OPCML: variants seen among roughly 807,000 people sequenced by gnomAD.
OPCML encodes opioid binding protein/cell adhesion molecule like.
OPCML carries 13 observed loss-of-function variants against 37.8 expected under a neutral mutation model. That is an observed-to-expected ratio of 0.34 (90% CI 0.22 to 0.55). The LOEUF is 0.55. Ranked by LOEUF, OPCML falls within the 20% of genes least tolerant of loss-of-function variation. The pLI, the probability that OPCML is intolerant of heterozygous loss-of-function variation, is 0.91. For synonymous variants in OPCML, 176 were observed against 168.8 expected (o/e 1.04, Z -0.33); for missense variants, 341 against 435.6 (o/e 0.78, Z 1.93).
chr11:133,414,378 A>G (rs1945715872), intron 1 of OPCML, among the ~76,000 whole-genome samples: 1 of 152,080 alleles, frequency 6.6e-6, no homozygotes, highest in Non-Finnish European at 1.5e-5. Flanking sequence ...CTATTCTGAG[A>G]TTTGCAGAAG....
chr11:133,025,482 A>G, intron 1 of OPCML: 1 of 985,402 alleles, frequency 1.0e-6, no homozygotes, highest in Non-Finnish European at 1.2e-6. Context: ...CTATTTGGTA[A>G]TCTAGTCAGT....
chr11:133,120,769 T>C (rs1168558463), intron 1 of OPCML, among the ~76,000 whole-genome samples: 1 of 152,180 alleles, frequency 6.6e-6, no homozygotes, highest in African/African-American at 2.4e-5. Flanking sequence ...GCCAGTCTAC[T>C]ATGATCACAT....
intron 2 of OPCML, among the ~76,000 whole-genome samples, chr11:132,762,555 C>T (rs970537343): frequency 6.6e-6 from 1 of 152,216 alleles, no homozygotes; most frequent in African/African-American, 2.4e-5. Flanking sequence ...AGCGACTTTG[C>T]CACATTGCAG....
chr11:133,229,237 G>A (rs758062436), intron 1 of OPCML, among the ~76,000 whole-genome samples: 4 of 152,174 alleles, frequency 2.6e-5, no homozygotes, highest in Non-Finnish European at 4.4e-5. Flanking sequence ...TGATTGGAGG[G>A]CAGCTCTGAA....
chr11:132,800,261 T>A (rs77600532), intron 2 of OPCML, among the ~76,000 whole-genome samples: 6,707 of 152,320 alleles, frequency 0.044, 168 homozygotes, highest in Middle Eastern at 0.078. Context: ...TATTGACTTA[T>A]CCTGCAACCT....
rs2096014431 is a variant in OPCML, at chr11:132,436,770, T to C, written c.653A>G (p.Tyr218Cys). ...ACCAGTGTTCTTGGCTTTTGAGATA[T>C]AGGGAGGATCTGTGGGAAACACACA... Reference protein sequence around the residue: ...KVKITVNYPPYISKAKNTGVS... With the variant: ...KVKITVNYPPCISKAKNTGVS... Residue 218 changes from tyrosine to cysteine, a missense_variant, in exon 6 of 8, where the codon TAT becomes TGT. By Grantham distance (194) the Tyr-to-Cys change is radical. Transcript: ENST00000524381. 2.5e-6 allele frequency: 4 copies of C among 1,614,034 alleles called. No homozygotes were observed. Among genetic ancestry groups the C allele is most frequent in the Non-Finnish European group, 3.4e-6 (4 of 1,180,004 alleles).
chr11:133,183,313 T>C (rs1366171194), intron 1 of OPCML, among the ~76,000 whole-genome samples: 2 of 152,220 alleles, frequency 1.3e-5, no homozygotes, highest in African/African-American at 4.8e-5. Flanking sequence ...CATCTCAAGC[T>C]AGGTCTTAAA....
At chr11:133,480,926 T>C (rs934988943) in intron 1 of OPCML, among the ~76,000 whole-genome samples, 4 of 152,230 alleles carry the variant, frequency 2.6e-5, no homozygotes, top group Non-Finnish European at 5.9e-5. Context: ...CACTTCTGTG[T>C]CATGCTGGAA....
intron 2 of OPCML, among the ~76,000 whole-genome samples, chr11:132,799,205 C>G (rs1938502417): frequency 1.3e-5 from 2 of 152,172 alleles, no homozygotes; most frequent in African/African-American, 4.8e-5. Flanking sequence ...AAAGCTTTTT[C>G]ATCTACATTG....
chr11:133,275,176 G>T lies in OPCML; in HGVS notation c.61+257088C>A, dbSNP rs184785550. 1.5e-3 allele frequency among the ~76,000 whole-genome samples: 231 copies of T among 152,236 alleles called. 2 individuals carry two copies. Among genetic ancestry groups the T allele is most frequent in the African/African-American group, 5.3e-3 (220 of 41,524 alleles). Reference sequence around the variant, plus strand: ...GGATCAATTGTCCACAGCCTACCTGGGTTGAGCCAACTGGAAGATCCTTTT... The same window carrying T: ...GGATCAATTGTCCACAGCCTACCTGTGTTGAGCCAACTGGAAGATCCTTTT... On this transcript the variant is annotated intron_variant, in intron 1 of 7. Coordinates refer to ENST00000524381, the MANE Select transcript of OPCML (RefSeq NM_001012393.5).
chr11:133,136,894 T>A (rs1949701161), intron 1 of OPCML, among the ~76,000 whole-genome samples: 2 of 150,584 alleles, frequency 1.3e-5, no homozygotes, highest in Admixed American at 1.3e-4. Context: ...GGGGTTTTAA[T>A]GTGTTTCATG....
intron 2 of OPCML, among the ~76,000 whole-genome samples, chr11:132,775,516 A>T (rs183714162): frequency 6.6e-6 from 1 of 152,332 alleles, no homozygotes; most frequent in East Asian, 1.9e-4. Context: ...AACTGCATGC[A>T]TGTGGCATCT....
intron 1 of OPCML, among the ~76,000 whole-genome samples, chr11:133,468,173 G>A (rs1947019024): frequency 6.6e-6 from 1 of 152,194 alleles, no homozygotes; most frequent in Non-Finnish European, 1.5e-5. Context: ...GCCTTTCATT[G>A]ATGGCAATGG....
At position 133,494,511 on chromosome 11, in the gene OPCML, C is replaced by T. The variant is rs1469382917; in HGVS notation, c.61+37753G>A. On this transcript the variant is annotated intron_variant, in intron 1 of 7. Coordinates refer to ENST00000524381, the MANE Select transcript of OPCML (RefSeq NM_001012393.5). ...GATAGACTGGATTAAGAAAATGTGG[C>T]ACATATACACCATGGAATACTATGC... 5.0e-4 allele frequency among the ~76,000 whole-genome samples: 74 copies of T among 147,652 alleles called. 2 individuals carry two copies. The South Asian group carries it at 0.014, about 29-fold the overall frequency.
intron 1 of OPCML, among the ~76,000 whole-genome samples, chr11:133,153,267 G>C (rs1950012742): frequency 6.6e-6 from 1 of 151,618 alleles, no homozygotes; most frequent in South Asian, 2.1e-4. Flanking sequence ...TTTCCTGTCA[G>C]CTCCGGCATG....
intron 1 of OPCML, among the ~76,000 whole-genome samples, chr11:133,406,793 C>G (rs1945536329): frequency 6.6e-6 from 1 of 152,180 alleles, no homozygotes; most frequent in Non-Finnish European, 1.5e-5. Context: ...GAAATCAGCA[C>G]AGTGAGCAGG....
chr11:133,401,722 A>G (rs2136839883), intron 1 of OPCML, among the ~76,000 whole-genome samples: 1 of 152,324 alleles, frequency 6.6e-6, no homozygotes, highest in East Asian at 1.9e-4. Context: ...GAAGATGTCT[A>G]GTTTCTCTGA....
At chr11:132,998,671 G>T (rs1012176232) in intron 1 of OPCML, among the ~76,000 whole-genome samples, 3 of 152,198 alleles carry the variant, frequency 2.0e-5, no homozygotes, top group East Asian at 1.9e-4. Context: ...GACCCCCAAG[G>T]TGAAGGTGGG....
At chr11:132,754,097 G>A (rs532163974) in intron 2 of OPCML, among the ~76,000 whole-genome samples, 21 of 152,322 alleles carry the variant, frequency 1.4e-4, no homozygotes, top group Non-Finnish European at 2.5e-4. Flanking sequence ...AGCCAGCAGG[G>A]TGCAGCTGCA....
Sources: allele counts gnomAD v4.1 joint callset (sites outside exome capture counted in the v4.1 genomes callset), GRCh38; gene constraint gnomAD v4.1.1; transcripts MANE v1.5; gene names NCBI Gene and HGNC (gene_info 2026-07-23, HGNC 2026-07-21).